The following ROBO2 variants were observed in gnomAD, a reference collection of about 807,000 sequenced individuals.
ROBO2 encodes roundabout homolog 2.
ROBO2 carries 53 observed loss-of-function variants against 160.8 expected under a neutral mutation model. The ratio of observed to expected loss-of-function variants is 0.33; its 90% confidence interval spans 0.26 to 0.41. ROBO2 has a LOEUF of 0.41. Ranked by LOEUF, ROBO2 falls within the 10% of genes least tolerant of loss-of-function variation. The pLI, the probability that ROBO2 is intolerant of heterozygous loss-of-function variation, is 1.00. For missense variants in ROBO2, 1,577 were observed against 1,722.4 expected, an observed-to-expected ratio of 0.92 and a Z score of 1.49; for synonymous variants, 664 against 611.7, an observed-to-expected ratio of 1.09 and a Z score of -1.26.
At chr3:77,001,677 T>C (rs776976446) in intron 2 of ROBO2, among the ~76,000 whole-genome samples, 3 of 152,146 alleles carry the variant, frequency 2.0e-5, no homozygotes, top group Admixed American at 2.0e-4. Context: ...GCCAAGATTC[T>C]CTATGTGTGG....
intron 2 of ROBO2, among the ~76,000 whole-genome samples, chr3:76,080,251 A>C (rs1172710395): frequency 2.6e-5 from 4 of 152,180 alleles, no homozygotes; most frequent in African/African-American, 9.7e-5. Context: ...ACCACCAGAA[A>C]AATCGGTTCT....
At chr3:76,169,259 A>T (rs148652223) in intron 2 of ROBO2, among the ~76,000 whole-genome samples, 70 of 152,292 alleles carry the variant, frequency 4.6e-4, no homozygotes, top group African/African-American at 1.6e-3. Flanking sequence ...AGCCAACTGG[A>T]TAATCAAAGA....
intron 2 of ROBO2, among the ~76,000 whole-genome samples, chr3:77,369,430 G>T (rs982271506): frequency 1.3e-5 from 2 of 152,190 alleles, no homozygotes; most frequent in Admixed American, 6.5e-5. Flanking sequence ...TATGCATGCA[G>T]AAATGAATGA....
intron 2 of ROBO2, among the ~76,000 whole-genome samples, chr3:76,139,195 A>G (rs891818949): frequency 6.6e-6 from 1 of 152,116 alleles, no homozygotes; most frequent in African/African-American, 2.4e-5. Context: ...TCCTTTAGAT[A>G]TCATCATTTA....
intron 2 of ROBO2, among the ~76,000 whole-genome samples, chr3:77,380,535 C>A (rs1025942086): frequency 6.6e-6 from 1 of 152,042 alleles, no homozygotes. Context: ...AATTAAAAGA[C>A]GGGATTTTTT....
intron 2 of ROBO2, among the ~76,000 whole-genome samples, chr3:76,617,281 GTATA>G (rs140513831): frequency 0.75 from 112,932 of 150,580 alleles, 42,885 homozygotes; most frequent in South Asian, 0.91. Context: ...ACCCTTTATT[GTATA>G]TATATATATA....
chr3:77,206,814 A>G (rs2083503417), intron 2 of ROBO2, among the ~76,000 whole-genome samples: 2 of 152,158 alleles, frequency 1.3e-5, no homozygotes, highest in Non-Finnish European at 2.9e-5. Flanking sequence ...ATATTCTTGA[A>G]TTGATAGAGA....
At chr3:77,199,697 C>T (rs1219245452) in intron 2 of ROBO2, among the ~76,000 whole-genome samples, 2 of 150,580 alleles carry the variant, frequency 1.3e-5, no homozygotes, top group Non-Finnish European at 2.9e-5. Flanking sequence ...AATTACGGCC[C>T]ACTGCACCTC....
At chr3:76,868,822 G>A (rs912835359) in intron 2 of ROBO2, among the ~76,000 whole-genome samples, 3 of 149,242 alleles carry the variant, frequency 2.0e-5, no homozygotes, top group African/African-American at 4.9e-5. Flanking sequence ...CACGTATTGT[G>A]CTAATGTGTA....
intron 2 of ROBO2, among the ~76,000 whole-genome samples, chr3:76,566,325 G>A (rs2084518708): frequency 6.6e-6 from 1 of 152,172 alleles, no homozygotes; most frequent in Admixed American, 6.5e-5. Context: ...TGTGAAGAGA[G>A]CACATGTAGA....
intron 2 of ROBO2, among the ~76,000 whole-genome samples, chr3:77,188,351 C>T (rs2081479043): frequency 2.0e-5 from 3 of 151,682 alleles, no homozygotes; most frequent in Admixed American, 1.3e-4. Context: ...GCTACCTTTA[C>T]CCTAGAGAGT....
intron 2 of ROBO2, among the ~76,000 whole-genome samples, chr3:75,973,106 C>G (rs2065041754): frequency 6.6e-6 from 1 of 151,658 alleles, no homozygotes; most frequent in Admixed American, 6.6e-5. Flanking sequence ...CAATCAATTA[C>G]TAATTAGTGG....
chr3:76,539,785 T>A (rs1476489076), intron 2 of ROBO2, among the ~76,000 whole-genome samples: 1 of 152,206 alleles, frequency 6.6e-6, no homozygotes, highest in African/African-American at 2.4e-5. Flanking sequence ...AAAAATTTCC[T>A]GACAGAGTGT....
intron 2 of ROBO2, among the ~76,000 whole-genome samples, chr3:77,126,604 A>G (rs1007657497): frequency 4.6e-5 from 7 of 151,976 alleles, no homozygotes; most frequent in Non-Finnish European, 4.4e-5. Context: ...ACGTTGTCCA[A>G]TAGTTTAAAG....
chr3:76,363,203 A>C (rs888522030), intron 2 of ROBO2, among the ~76,000 whole-genome samples: 2 of 151,976 alleles, frequency 1.3e-5, no homozygotes, highest in East Asian at 3.9e-4. Flanking sequence ...AAGTATACAC[A>C]CACACACAGG....
intron 2 of ROBO2, among the ~76,000 whole-genome samples, chr3:76,914,798 A>G (rs1380370304): frequency 6.6e-6 from 1 of 152,190 alleles, no homozygotes; most frequent in Admixed American, 6.5e-5. Context: ...ACAAGCTGAC[A>G]GGAGCACATG....
chr3:76,801,809 A>T (rs1438654106), intron 2 of ROBO2, among the ~76,000 whole-genome samples: 2 of 152,156 alleles, frequency 1.3e-5, no homozygotes, highest in African/African-American at 4.8e-5. Context: ...CACTAATGTT[A>T]ATCATTTTTA....
chr3:76,614,124 G>A (rs1368889528), intron 2 of ROBO2, among the ~76,000 whole-genome samples: 4 of 152,166 alleles, frequency 2.6e-5, no homozygotes, highest in East Asian at 3.9e-4. Context: ...ACAATGTAGA[G>A]GCAAAGACAA....
chr3:76,582,685 T>C (rs777866718), intron 2 of ROBO2, among the ~76,000 whole-genome samples: 3 of 152,214 alleles, frequency 2.0e-5, no homozygotes, highest in Non-Finnish European at 4.4e-5. Flanking sequence ...TTAAGTCTTA[T>C]ATTTATGGTT....
Sources: gnomAD v4.1 joint callset for allele counts (sites outside exome capture counted in the v4.1 genomes callset) on GRCh38, gnomAD v4.1.1 for gene constraint, MANE v1.5 for transcripts, NCBI Gene and HGNC (gene_info 2026-07-23, HGNC 2026-07-21) for gene names.